SACS: variants seen among roughly 807,000 people sequenced by gnomAD.
SACS encodes sacsin.
Under a neutral mutation model 348.0 loss-of-function variants are expected in SACS, and 197 were observed. That is an observed-to-expected ratio of 0.57 (90% CI 0.50 to 0.64). The LOEUF (loss-of-function observed/expected upper bound fraction) is 0.64, where lower values mean the gene tolerates loss of function less well. Ranked by LOEUF, SACS falls within the 30% of genes least tolerant of loss-of-function variation. SACS has a pLI of 0.00. For missense variants in SACS, 4,999 were observed against 5,360.8 expected (o/e 0.93, Z 2.11); for synonymous variants, 1,985 against 1,910.6 (o/e 1.04, Z -1.02).
At chr13:23,372,062 C>A (rs958914694) in intron 3 of SACS, among the ~76,000 whole-genome samples, 1 of 152,094 alleles carries the variant, frequency 6.6e-6, no homozygotes, top group Non-Finnish European at 1.5e-5. Context: ...GTATAATAGT[C>A]ATTAATATGT....
At chr13:23,423,226 T>C (rs1034154119) in intron 1 of SACS, among the ~76,000 whole-genome samples, 1 of 152,122 alleles carries the variant, frequency 6.6e-6, no homozygotes, top group Non-Finnish European at 1.5e-5. Flanking sequence ...GGCTATTAGG[T>C]CTATATATGA....
intron 6 of SACS, 152 bp downstream of exon 6, chr13:23,365,014 C>T (rs1870973318): frequency 3.5e-6 from 2 of 574,568 alleles, no homozygotes; most frequent in South Asian, 2.6e-5. Context: ...GACACCTTCC[C>T]ACCAAAAGCA....
chr13:23,388,877 A>G (rs1872415466), intron 2 of SACS, among the ~76,000 whole-genome samples: 1 of 152,122 alleles, frequency 6.6e-6, no homozygotes, highest in Non-Finnish European at 1.5e-5. Context: ...CCCTAAAACT[A>G]TTAAAAATAA....
rs757326594 is a variant in SACS at position 23,330,467 on chromosome 13, T to C, written c.13409A>G (p.Asn4470Ser). The C allele has an allele frequency of 6.8e-6, 11 of 1,614,214 alleles. No individual in the cohort carries two copies. Among genetic ancestry groups the C allele is most frequent in the Non-Finnish European group, 7.6e-6 (9 of 1,180,032 alleles). The change falls in exon 10 of 10, where the codon AAT becomes AGT. Residue 4470 changes from asparagine to serine, a missense_variant. By Grantham distance (46) the Asn-to-Ser change is conservative (BLOSUM62 1). Transcript: ENST00000382292. Reference sequence around the variant, plus strand: ...GTAACATTTAAAGCACACCCACTCATTGGCATTTTTATGAAGGTCATTCCT... The same window carrying C: ...GTAACATTTAAAGCACACCCACTCACTGGCATTTTTATGAAGGTCATTCCT... ...AARNDLHKNANEWVCFKCYLS... is the reference protein window; with the variant it reads ...AARNDLHKNASEWVCFKCYLS...
At chr13:23,357,221 A>C (rs1050376438) in intron 7 of SACS, among the ~76,000 whole-genome samples, 1 of 152,132 alleles carries the variant, frequency 6.6e-6, no homozygotes, top group East Asian at 1.9e-4. Context: ...GGCTTTTGCT[A>C]CTCACATCTG....
chr13:23,352,192 A>T (rs1870000106), intron 9 of SACS, among the ~76,000 whole-genome samples: 1 of 152,222 alleles, frequency 6.6e-6, no homozygotes, highest in Non-Finnish European at 1.5e-5. Context: ...CACCTTAGAA[A>T]GGATCTGCCA....
intron 9 of SACS, among the ~76,000 whole-genome samples, chr13:23,349,703 G>A (rs1269614027): frequency 1.3e-5 from 2 of 152,208 alleles, no homozygotes; most frequent in East Asian, 3.9e-4. Flanking sequence ...TGAATTTTCT[G>A]TAATCAAATC....
intron 2 of SACS, among the ~76,000 whole-genome samples, chr13:23,402,758 C>T (rs146178926): frequency 6.6e-6 from 1 of 152,278 alleles, no homozygotes; most frequent in Non-Finnish European, 1.5e-5. Flanking sequence ...TAAAGAAGGT[C>T]ATTTTCTGGC....
At chr13:23,395,685 A>G (rs927355619) in intron 2 of SACS, among the ~76,000 whole-genome samples, 2 of 152,162 alleles carry the variant, frequency 1.3e-5, no homozygotes, top group African/African-American at 2.4e-5. Flanking sequence ...AAATCTTACA[A>G]GTCTCCTCCA....
At chr13:23,359,668 C>T (rs1450651872) in intron 6 of SACS, among the ~76,000 whole-genome samples, 1 of 152,152 alleles carries the variant, frequency 6.6e-6, no homozygotes, top group Admixed American at 6.5e-5. Context: ...CAACTATATT[C>T]ACTCATCTTA....
chr13:23,333,111 T>C lies in SACS; in HGVS notation c.10765A>G (p.Ile3589Val), dbSNP rs747920603. The change falls in exon 10 of 10, where the codon ATT becomes GTT. Residue 3589 changes from isoleucine (I) to valine (V), a missense_variant. Ile to Val is a conservative substitution (Grantham distance 29). This residue lies in a region of SACS where 831 missense variants were observed against 941.8 expected (regional missense o/e 0.88). Transcript: ENST00000382292. ...TGAGAAAGTATGTATTTTAGTCCAA[T>C]ATTTCTTAAGAATTCCACCCAGGAT... ...MTSWVEFLRNIGLKYILSQQQ... is the reference protein window; with the variant it reads ...MTSWVEFLRNVGLKYILSQQQ... The C allele has an allele frequency of 6.2e-7, 1 of 1,613,708 alleles. No individual in the cohort carries two copies. The highest frequency in any genetic ancestry group is 1.1e-5 in the South Asian group (1 of 91,052).
intron 1 of SACS, among the ~76,000 whole-genome samples, chr13:23,431,870 G>A (rs1359280902): frequency 6.6e-6 from 1 of 152,204 alleles, no homozygotes; most frequent in African/African-American, 2.4e-5. Flanking sequence ...TTCCTTTTGG[G>A]AAATGGTGCA....
intron 2 of SACS, among the ~76,000 whole-genome samples, chr13:23,382,960 T>C (rs1872129257): frequency 6.8e-6 from 1 of 147,638 alleles, no homozygotes. Context: ...CAGCTAATTT[T>C]TTTTTTTTTT....
At chr13:23,429,471 T>A (rs1207515985) in intron 1 of SACS, among the ~76,000 whole-genome samples, 1 of 147,258 alleles carries the variant, frequency 6.8e-6, no homozygotes, top group Non-Finnish European at 1.5e-5. Context: ...CACGCCATTC[T>A]CCTGCCTCAG....
At chr13:23,422,743 C>T (rs922015323) in intron 1 of SACS, among the ~76,000 whole-genome samples, 5 of 151,742 alleles carry the variant, frequency 3.3e-5, no homozygotes, top group African/African-American at 1.2e-4. Flanking sequence ...ACTGCAAGCT[C>T]TGCCTCCTGG....
chr13:23,357,561 G>A (rs1870474177), intron 7 of SACS, among the ~76,000 whole-genome samples: 1 of 152,126 alleles, frequency 6.6e-6, no homozygotes, highest in Non-Finnish European at 1.5e-5. Flanking sequence ...AAAGTATACA[G>A]TCATCTTGGC....
chr13:23,400,709 CGCGCCCG>C (rs1555259563), intron 2 of SACS, among the ~76,000 whole-genome samples: 1 of 152,160 alleles, frequency 6.6e-6, no homozygotes, highest in Non-Finnish European at 1.5e-5. Flanking sequence ...CGTGAGCCAC[CGCGCCCG>C]GCCAGTCACT....
chr13:23,366,734 G>A (rs1309581002), intron 5 of SACS, among the ~76,000 whole-genome samples: 1 of 152,174 alleles, frequency 6.6e-6, no homozygotes, highest in Non-Finnish European at 1.5e-5. Flanking sequence ...ATAAAAAATA[G>A]GATAGGAAGC....
In SACS at chr13:23,340,107, C is replaced by A; in HGVS notation, c.3769G>T (p.Gly1257Ter). The A allele has an allele frequency of 6.2e-7, 1 of 1,613,792 alleles. No homozygotes were observed. Among genetic ancestry groups the A allele is most frequent in the Non-Finnish European group, 8.5e-7 (1 of 1,179,912 alleles). ...QFQHILLEIYGFMHDHLNEGK... is the reference protein window; with the variant it reads ...QFQHILLEIY ...TCATTTAGATGATCATGCATGAATC[C>A]GTAAATCTCAAGCAAAATATGCTGG... Residue 1257 changes from glycine (G) to a stop codon, truncating the protein, a stop_gained, in exon 10 of 10, where the codon GGA (glycine) becomes TGA (stop). Coordinates refer to ENST00000382292, the MANE Select transcript of SACS (RefSeq NM_014363.6). LOFTEE classifies it high-confidence loss of function.
Sources: allele counts gnomAD v4.1 joint callset (sites outside exome capture counted in the v4.1 genomes callset), GRCh38; gene constraint gnomAD v4.1.1; regional missense constraint gnomAD v4.1.1; transcripts MANE v1.5; gene names NCBI Gene and HGNC (gene_info 2026-07-23, HGNC 2026-07-21).